DST: variants seen among roughly 807,000 people sequenced by gnomAD.
The protein encoded by DST is dystonin.
DST carries 253 observed loss-of-function variants against 875.2 expected under a neutral mutation model. The ratio of observed to expected loss-of-function variants is 0.29; its 90% CI spans 0.26 to 0.32. The LOEUF (loss-of-function observed/expected upper bound fraction) is 0.32. DST is among the 10% of genes least tolerant of loss of function. DST has a pLI of 1.00. For synonymous variants in DST, 3,124 were observed against 3,197.1 expected (o/e 0.98, Z 0.77); for missense variants, 8,287 against 9,111.6 (o/e 0.91, Z 3.68).
At chr6:56,562,085 T>C in intron 56 of DST, 53 bp downstream of exon 56, 2 of 1,207,480 alleles carry the variant, frequency 1.7e-6, no homozygotes, top group Non-Finnish European at 1.2e-6. Flanking sequence ...TTTTCTCTTA[T>C]TAAAAAAACA....
intron 90 of DST, among the ~76,000 whole-genome samples, chr6:56,479,933 A>G (rs891430616): frequency 1.7e-4 from 26 of 152,174 alleles, no homozygotes; most frequent in African/African-American, 2.9e-4. Context: ...TTAAATTTAT[A>G]TGATATGTTT....
intron 4 of DST, among the ~76,000 whole-genome samples, chr6:56,747,797 G>A (rs889035980): frequency 1.3e-5 from 2 of 152,042 alleles, no homozygotes; most frequent in Non-Finnish European, 2.9e-5. Context: ...TTATATGTAA[G>A]GTAAATCCAT....
At chr6:56,874,068 A>C (rs1001635591) in intron 3 of DST, among the ~76,000 whole-genome samples, 1 of 152,176 alleles carries the variant, frequency 6.6e-6, no homozygotes. Flanking sequence ...TACACCTGTG[A>C]ATAACCACTG....
At chr6:56,582,968 G>A (rs1407148823) in intron 49 of DST, among the ~76,000 whole-genome samples, 1 of 151,998 alleles carries the variant, frequency 6.6e-6, no homozygotes, top group Non-Finnish European at 1.5e-5. Context: ...GTGTATATGT[G>A]CCACATTTTC....
chr6:56,602,859 G>C, intron 43 of DST, 23 bp downstream of exon 43: 2 of 1,453,054 alleles, frequency 1.4e-6, no homozygotes, highest in Non-Finnish European at 1.8e-6. Context: ...AATATATTTT[G>C]TCATCTTTGT....
intron 3 of DST, among the ~76,000 whole-genome samples, chr6:56,889,409 G>C (rs1035260368): frequency 1.3e-5 from 2 of 152,152 alleles, no homozygotes; most frequent in African/African-American, 2.4e-5. Flanking sequence ...CAACTCCTCA[G>C]TCAAAACTGT....
At chr6:56,938,996 G>C (rs183515823) in intron 2 of DST, among the ~76,000 whole-genome samples, 2 of 152,358 alleles carry the variant, frequency 1.3e-5, no homozygotes, top group Admixed American at 6.5e-5. Context: ...AAGTTACTAA[G>C]TTTTAAATGG....
intron 9 of DST, among the ~76,000 whole-genome samples, chr6:56,684,453 AATC>A (rs2099170721): frequency 6.6e-6 from 1 of 152,230 alleles, no homozygotes; most frequent in Non-Finnish European, 1.5e-5. Context: ...AAGATTAAGA[AATC>A]ATGGGGATTC....
intron 9 of DST, among the ~76,000 whole-genome samples, chr6:56,680,548 C>T (rs542219518): frequency 1.1e-4 from 16 of 152,308 alleles, no homozygotes; most frequent in African/African-American, 3.6e-4. Flanking sequence ...ATTTTCTAAT[C>T]CTGATCTCAC....
Position 56,526,489 on chromosome 6 carries a change from C to A in DST, c.18001G>T (p.Val6001Leu). The A allele has an allele frequency of 6.2e-7, 1 of 1,613,886 alleles. No individual in the cohort carries two copies. Among genetic ancestry groups the A allele is most frequent in the Non-Finnish European group, 8.5e-7 (1 of 1,179,812 alleles). ...NEVSSALLEL[V>L]PWRAREGLEK... The stretch of plus-strand genomic sequence containing the variant: ...AGTCCTTCTCTTGCCCTCCATGGTA[C>A]CAGTTCCAGCAAAGCACTGCTCACT... The change falls in exon 69 of 104, where the codon GTA (valine) becomes TTA (leucine). Residue 6001 changes from valine to leucine, a missense_variant. Physicochemically the swap from Val to Leu is conservative, Grantham distance 32. This residue lies in a region of DST where 777 missense variants were observed against 764.8 expected (regional missense o/e 1.02). Transcript: ENST00000680361.
At chr6:56,683,063 A>G (rs2099164191) in intron 9 of DST, among the ~76,000 whole-genome samples, 1 of 152,200 alleles carries the variant, frequency 6.6e-6, no homozygotes, top group African/African-American at 2.4e-5. Context: ...AGTTCTTGCC[A>G]TTACTTTTAA....
intron 4 of DST, among the ~76,000 whole-genome samples, chr6:56,808,008 T>C (rs2099755221): frequency 6.6e-6 from 1 of 152,206 alleles, no homozygotes. Context: ...CTATCCAACA[T>C]GAATGTCCAA....
intron 36 of DST, among the ~76,000 whole-genome samples, chr6:56,621,514 C>T (rs2098690589): frequency 6.6e-6 from 1 of 152,042 alleles, no homozygotes; most frequent in Non-Finnish European, 1.5e-5. Context: ...TGACAAGCAC[C>T]TTTAAATACT....
intron 2 of DST, among the ~76,000 whole-genome samples, chr6:56,924,100 G>T (rs992756950): frequency 7.9e-5 from 12 of 152,082 alleles, no homozygotes; most frequent in African/African-American, 2.9e-4. Context: ...CTCCAGCCCG[G>T]GCGATAGAGC....
chr6:56,804,057 C>A (rs13198204), intron 4 of DST, among the ~76,000 whole-genome samples: 24,774 of 151,992 alleles, frequency 0.16, 2,228 homozygotes, highest in Non-Finnish European at 0.19. Flanking sequence ...ATCTTTACTG[C>A]GTAAATTTGA....
intron 4 of DST, among the ~76,000 whole-genome samples, chr6:56,790,664 G>A (rs1326348413): frequency 6.6e-6 from 1 of 152,054 alleles, no homozygotes; most frequent in Non-Finnish European, 1.5e-5. Flanking sequence ...CAGTTTTCTG[G>A]CTGGCAGCTG....
chr6:56,872,564 GA>G (rs1257386417), intron 3 of DST, among the ~76,000 whole-genome samples: 1 of 151,956 alleles, frequency 6.6e-6, no homozygotes, highest in Admixed American at 6.6e-5. Context: ...AACTTTTTAG[GA>G]ATAAATAGAC....
At chr6:56,807,000 A>G (rs1391892047) in intron 4 of DST, among the ~76,000 whole-genome samples, 2 of 152,200 alleles carry the variant, frequency 1.3e-5, no homozygotes, top group Non-Finnish European at 2.9e-5. Flanking sequence ...ATCTAAATAT[A>G]TACTACGTTC....
intron 8 of DST, among the ~76,000 whole-genome samples, chr6:56,701,354 G>A (rs1588868171): frequency 6.6e-6 from 1 of 151,668 alleles, no homozygotes; most frequent in Non-Finnish European, 1.5e-5. Flanking sequence ...GCAAGTTGGG[G>A]GCTATTGTCA....
Sources: allele counts gnomAD v4.1 joint callset (sites outside exome capture counted in the v4.1 genomes callset), GRCh38; gene constraint gnomAD v4.1.1; regional missense constraint gnomAD v4.1.1; transcripts MANE v1.5; gene names NCBI Gene and HGNC (gene_info 2026-07-23, HGNC 2026-07-21).